Variants in MECOM observed in about 807,000 individuals in gnomAD.
The protein encoded by MECOM is histone-lysine N-methyltransferase MECOM.
A neutral mutation model predicts 116.3 loss-of-function variants in MECOM; 13 were observed. The observed-to-expected ratio is 0.11, with a 90% CI of 0.07 to 0.18. MECOM has a LOEUF of 0.18. Ranked by LOEUF, MECOM falls within the 10% of genes least tolerant of loss-of-function variation. MECOM has a pLI of 1.00. For synonymous variants in MECOM, 528 were observed against 535.2 expected, an observed-to-expected ratio of 0.99 and a Z score of 0.19; for missense variants, 1,299 against 1,509.0, an observed-to-expected ratio of 0.86 and a Z score of 2.31.
intron 2 of MECOM, among the ~76,000 whole-genome samples, chr3:169,191,272 G>A (rs1486317134): frequency 6.6e-6 from 1 of 151,946 alleles, no homozygotes; most frequent in Non-Finnish European, 1.5e-5. Context: ...AAAGCTCCAT[G>A]GCACTTATCA....
In MECOM at chr3:169,639,111, C is replaced by T. The variant is rs148708822; in HGVS notation, c.37+24225G>A. On this transcript the variant is annotated intron_variant, in intron 1 of 16. Coordinates refer to ENST00000651503, the MANE Select transcript of MECOM (RefSeq NM_004991.4). ...GATTAGCAACACCCATATCAGTCTA[C>T]GAGATAACTAAAAAATAAATGTTTA... Among the ~76,000 whole-genome samples, 228 of 152,164 alleles carry T rather than the reference C, an allele frequency of 1.5e-3. 3 individuals are homozygous for T. The highest frequency in any genetic ancestry group is 2.4e-3 in the Non-Finnish European group (166 of 68,008).
chr3:169,515,960 A>T (rs1756570777), intron 1 of MECOM, among the ~76,000 whole-genome samples: 2 of 152,218 alleles, frequency 1.3e-5, no homozygotes, highest in Admixed American at 1.3e-4. Flanking sequence ...GACAAGCTCT[A>T]GGAAGCATCT....
At chr3:169,147,457 C>A (rs1740254816) in intron 2 of MECOM, 4 of 985,422 alleles carry the variant, frequency 4.1e-6, no homozygotes, top group African/African-American at 1.7e-5. Context: ...TATCTCCCGC[C>A]GCCCAGAGTG....
At chr3:169,330,344 G>T (rs1722523688) in intron 2 of MECOM, among the ~76,000 whole-genome samples, 1 of 152,096 alleles carries the variant, frequency 6.6e-6, no homozygotes, top group Non-Finnish European at 1.5e-5. Context: ...ATTTTTAAGG[G>T]TGATTAGGAA....
intron 1 of MECOM, among the ~76,000 whole-genome samples, chr3:169,655,424 C>A (rs142310166): frequency 1.3e-3 from 199 of 152,276 alleles, no homozygotes; most frequent in African/African-American, 4.5e-3. Context: ...CACTAAAAGT[C>A]AAATTTTCAT....
chr3:169,653,666 C>A (rs1331653439), intron 1 of MECOM, among the ~76,000 whole-genome samples: 1 of 152,120 alleles, frequency 6.6e-6, no homozygotes, highest in Admixed American at 6.5e-5. Context: ...CTGAATGGAC[C>A]AGTCTTGAAT....
chr3:169,446,445 G>GT (rs1425952966), intron 1 of MECOM, among the ~76,000 whole-genome samples: 1 of 152,156 alleles, frequency 6.6e-6, no homozygotes, highest in Non-Finnish European at 1.5e-5. Flanking sequence ...ATGTGGAACT[G>GT]TAAGTCCAAT....
intron 2 of MECOM, among the ~76,000 whole-genome samples, chr3:169,338,710 G>A (rs1050505388): frequency 6.6e-6 from 1 of 151,722 alleles, no homozygotes; most frequent in African/African-American, 2.4e-5. Context: ...TCTATGCAAG[G>A]TTGCACTTCT....
chr3:169,099,808 T>C (rs954741685), intron 12 of MECOM, among the ~76,000 whole-genome samples: 1 of 152,094 alleles, frequency 6.6e-6, no homozygotes, highest in Non-Finnish European at 1.5e-5. Context: ...TGCAAGGCAT[T>C]GAACATTAAA....
chr3:169,463,919 T>C (rs371201945), intron 1 of MECOM: 5 of 152,274 alleles, frequency 3.3e-5, no homozygotes, highest in Admixed American at 6.5e-5. Flanking sequence ...AAAAATTTTT[T>C]TTAATTCACC....
chr3:169,623,216 C>T (rs1382226059), intron 1 of MECOM, among the ~76,000 whole-genome samples: 1 of 152,198 alleles, frequency 6.6e-6, no homozygotes. Flanking sequence ...TGCATATAAA[C>T]CCAATGACCA....
chr3:169,198,538 A>G (rs994678079), intron 2 of MECOM, among the ~76,000 whole-genome samples: 4 of 151,880 alleles, frequency 2.6e-5, no homozygotes, highest in African/African-American at 9.7e-5. Context: ...CAAAGTCATT[A>G]TTTACCTTCC....
intron 1 of MECOM, among the ~76,000 whole-genome samples, chr3:169,544,638 A>G (rs552574310): frequency 3.9e-5 from 6 of 152,360 alleles, no homozygotes; most frequent in African/African-American, 1.4e-4. Context: ...CATCAATGAC[A>G]GACTGGATAA....
At chr3:169,224,791 C>T (rs1752537818) in intron 2 of MECOM, among the ~76,000 whole-genome samples, 1 of 152,158 alleles carries the variant, frequency 6.6e-6, no homozygotes, top group Non-Finnish European at 1.5e-5. Flanking sequence ...AATCAAGAAA[C>T]CTGAAAAGCC....
At chr3:169,486,970 T>G (rs934812440) in intron 1 of MECOM, among the ~76,000 whole-genome samples, 2 of 152,166 alleles carry the variant, frequency 1.3e-5, no homozygotes, top group African/African-American at 2.4e-5. Context: ...AATTAATTAA[T>G]TTTTAAATCA....
chr3:169,456,320 A>G (rs73879073), intron 1 of MECOM, among the ~76,000 whole-genome samples: 1,894 of 152,292 alleles, frequency 0.012, 37 homozygotes, highest in African/African-American at 0.043. Context: ...GATTTCAGTG[A>G]AAGTGATCAT....
At chr3:169,505,274 A>C (rs1755054945) in intron 1 of MECOM, among the ~76,000 whole-genome samples, 1 of 151,864 alleles carries the variant, frequency 6.6e-6, no homozygotes, top group Non-Finnish European at 1.5e-5. Flanking sequence ...AAATTTAAAT[A>C]AAGTCAAAAT....
rs36052422 is a variant in MECOM, at chr3:169,498,501, A to G, written c.38-116977T>C. ...CAGTAGGTTTTGGGTTTCAGTGTTTATACAGAAAAGGGCCTGAGCCTGCCC... is the reference window on the plus strand; with the variant it reads ...CAGTAGGTTTTGGGTTTCAGTGTTTGTACAGAAAAGGGCCTGAGCCTGCCC... On this transcript the variant is annotated intron_variant, in intron 1 of 16. Coordinates refer to ENST00000651503, the MANE Select transcript of MECOM (RefSeq NM_004991.4). Among the ~76,000 whole-genome samples, 2,784 of 152,290 alleles carry G rather than the reference A, an allele frequency of 0.018. 253 individuals carry two copies. The East Asian group carries it at 0.3, about 16-fold the overall frequency.
At chr3:169,645,278 C>T (rs1333037289) in intron 1 of MECOM, among the ~76,000 whole-genome samples, 2 of 147,662 alleles carry the variant, frequency 1.4e-5, no homozygotes, top group Non-Finnish European at 3.0e-5. Flanking sequence ...TGCTTTTTAA[C>T]ATTTCTGAGT....
Sources: gnomAD v4.1 joint callset for allele counts (sites outside exome capture counted in the v4.1 genomes callset) on GRCh38, gnomAD v4.1.1 for gene constraint, MANE v1.5 for transcripts, NCBI Gene and HGNC (gene_info 2026-07-23, HGNC 2026-07-21) for gene names.